ENPP5: variants seen among roughly 807,000 people sequenced by gnomAD.
ENPP5 encodes E-NPP 5.
A neutral mutation model predicts 33.7 loss-of-function variants in ENPP5; 27 were observed. The observed-to-expected ratio is 0.80, with a 90% CI of 0.59 to 1.11. ENPP5 has a LOEUF of 1.11. Ranked by LOEUF, ENPP5 falls within the 50% of genes least tolerant of loss-of-function variation. The probability of loss-of-function intolerance (pLI) is 0.00; values close to 1 mark genes in which losing one functional copy is unlikely to be tolerated. For missense variants in ENPP5, 552 were observed against 579.2 expected, an observed-to-expected ratio of 0.95 and a Z score of 0.48; for synonymous variants, 199 against 200.5, an observed-to-expected ratio of 0.99 and a Z score of 0.06.
intron 3 of ENPP5, among the ~76,000 whole-genome samples, chr6:46,166,810 G>T (rs1473089663): frequency 6.6e-6 from 1 of 152,120 alleles, no homozygotes; most frequent in African/African-American, 2.4e-5. Context: ...GAGTCATGTT[G>T]TCACTTATTT....
intron 4 of ENPP5, among the ~76,000 whole-genome samples, chr6:46,164,475 C>A (rs1429571671): frequency 6.6e-6 from 1 of 152,164 alleles, no homozygotes; most frequent in Non-Finnish European, 1.5e-5. Flanking sequence ...ATTATTGAAT[C>A]ATTAAACATA....
chr6:46,170,590 A>G (rs1764705776), intron 1 of ENPP5, among the ~76,000 whole-genome samples: 1 of 151,874 alleles, frequency 6.6e-6, no homozygotes, highest in Admixed American at 6.6e-5. Context: ...TAGCTCGGGT[A>G]GACGTCAAGG....
intron 4 of ENPP5, among the ~76,000 whole-genome samples, chr6:46,164,347 C>G (rs1051703327): frequency 2.6e-5 from 4 of 152,224 alleles, no homozygotes; most frequent in Non-Finnish European, 4.4e-5. Context: ...GCATTTCTAA[C>G]AAGCTCTCAG....
intron 4 of ENPP5, among the ~76,000 whole-genome samples, chr6:46,164,701 A>T (rs1301591690): frequency 6.6e-6 from 1 of 151,310 alleles, no homozygotes; most frequent in Non-Finnish European, 1.5e-5. Context: ...TGGTTTATGG[A>T]TCATTATCTG....
chr6:46,161,058 G>T lies in ENPP5; in HGVS notation c.*268C>A. On this transcript the variant is annotated 3_prime_UTR_variant, in exon 5 of 5. Coordinates refer to ENST00000371383, the MANE Select transcript of ENPP5 (RefSeq NM_001290072.2). ...GTTGCTAAATATATACATTATCTGC[G>T]CCAAGTCCAAATAAAGCAGGATCTT... 2.5e-6 allele frequency: 1 copy of T among 404,702 alleles called. No individual in the cohort carries two copies. The highest frequency in any genetic ancestry group is 3.5e-5 in the South Asian group (1 of 28,330). 25.1% of individuals were successfully genotyped at this position (404,702 alleles called of 1,614,324 possible). A position where few individuals can be genotyped will look rare whatever the true frequency, so the allele number is the denominator to read the frequency against.
Position 46,168,107 on chromosome 6 carries a change from A to G in ENPP5, c.156T>C (p.His52=), listed in dbSNP as rs1350853283. The G allele has an allele frequency of 7.4e-6, 12 of 1,614,030 alleles. No individual in the cohort carries two copies. The highest frequency in any genetic ancestry group is 1.0e-5 in the Non-Finnish European group (12 of 1,179,884). The change falls in exon 3 of 5, where the codon CAT becomes CAC. Residue 52 remains histidine, a synonymous_variant. Coordinates refer to ENST00000371383, the MANE Select transcript of ENPP5 (RefSeq NM_001290072.2). ...CGTGAACACCATATTTCATAATATA[A>G]TGAAAATGGGGCGTTGGAACTTTAT... ...YLYKVPTPHF[H]YIMKYGVHVK...
At position 46,167,981 on chromosome 6, in the gene ENPP5, A is replaced by T; in HGVS notation, c.282T>A (p.Asp94Glu). The change falls in exon 3 of 5, where the codon GAT becomes GAA. Residue 94 changes from aspartate to glutamate, a missense_variant. Physicochemically the swap from Asp to Glu is conservative, Grantham distance 45 (BLOSUM62 2). Coordinates refer to ENST00000371383, the MANE Select transcript of ENPP5 (RefSeq NM_001290072.2). ...FAENHGIVAN[D>E]MFDPIRNKSF... ...ATTTGTTCCGAATAGGATCAAACAT[A>T]TCATTTGCAACAATCCCATGATTCT... The T allele has an allele frequency of 6.2e-7, 1 of 1,614,248 alleles. No homozygotes were observed. Among genetic ancestry groups the T allele is most frequent in the Non-Finnish European group, 8.5e-7 (1 of 1,180,052 alleles).
chr6:46,166,467 T>TAGC (rs1554174996), intron 3 of ENPP5, among the ~76,000 whole-genome samples: 1 of 148,740 alleles, frequency 6.7e-6, no homozygotes, highest in Admixed American at 6.7e-5. Context: ...TTTTTTTTTT[T>TAGC]AGCAACAGAG....
chr6:46,169,318 A>T (rs1764665085), intron 2 of ENPP5, among the ~76,000 whole-genome samples: 1 of 152,020 alleles, frequency 6.6e-6, no homozygotes, highest in African/African-American at 2.4e-5. Flanking sequence ...AAACCCACCA[A>T]AACTTAGATC....
Position 46,167,926 on chromosome 6 carries a change from C to A in ENPP5, c.337G>T (p.Asp113Tyr). ...GTCGCTTCTTCCCAAAACTTGGAAT[C>A]ATAAATATTCATGTGATCCAAGGAG... ...SFSLDHMNIY[D>Y]SKFWEEATPI... The change falls in exon 3 of 5, where the codon GAT becomes TAT. Residue 113 changes from aspartate to tyrosine, a missense_variant. Asp to Tyr is a radical substitution (Grantham distance 160). Transcript: ENST00000371383. 1 of 1,614,168 alleles carries A rather than the reference C, an allele frequency of 6.2e-7. No homozygotes were observed. Among genetic ancestry groups the A allele is most frequent in the Non-Finnish European group, 8.5e-7 (1 of 1,180,036 alleles).
Position 46,168,108 on chromosome 6 carries a change from T to A in ENPP5, c.155A>T (p.His52Leu), listed in dbSNP as rs1463436111. 6.2e-7 allele frequency: 1 copy of A among 1,613,960 alleles called. No homozygotes were observed. The highest frequency in any genetic ancestry group is 1.1e-5 in the South Asian group (1 of 91,070). ...GTGAACACCATATTTCATAATATAATGAAAATGGGGCGTTGGAACTTTATA... is the reference window on the plus strand; with the variant it reads ...GTGAACACCATATTTCATAATATAAAGAAAATGGGGCGTTGGAACTTTATA... ...YLYKVPTPHF[H>L]YIMKYGVHVK... Residue 52 changes from histidine to leucine, a missense_variant, in exon 3 of 5, where the codon CAT becomes CTT. Coordinates refer to ENST00000371383, the MANE Select transcript of ENPP5 (RefSeq NM_001290072.2).
chr6:46,161,741 C>G lies in ENPP5; in HGVS notation c.1019G>C (p.Gly340Ala), dbSNP rs1249265065. ...KSDDFLLGNHGYDNALADMHP... is the reference protein window; with the variant it reads ...KSDDFLLGNHAYDNALADMHP... The stretch of plus-strand genomic sequence containing the variant: ...CATATCTGCTAACGCATTATCGTAA[C>G]CGTGGTTGCCTACTGTAAAGAGAAA... The change falls in exon 5 of 5, where the codon GGT (glycine) becomes GCT (alanine). Residue 340 changes from glycine (G) to alanine (A), a missense_variant. By Grantham distance (60) the Gly-to-Ala change is moderately conservative. Coordinates refer to ENST00000371383, the MANE Select transcript of ENPP5 (RefSeq NM_001290072.2). 3.7e-6 allele frequency: 6 copies of G among 1,608,338 alleles called. No homozygotes were observed. The Admixed American group carries it at 1.0e-4, about 27-fold the overall frequency.
rs1764715645 is a variant in ENPP5, at chr6:46,170,848, CG to C, written c.-139del. On this transcript the variant is annotated 5_prime_UTR_variant, in exon 1 of 5. Transcript: ENST00000371383. ...TTCAGTCCGTATTAGTTTGGAGCAA[CG>C]GGAGGGAGGGTCTGGAGGAGACTCC... 6.6e-6 allele frequency: 1 copy of C among 152,322 alleles called. No individual in the cohort carries two copies. Among genetic ancestry groups the C allele is most frequent in the Non-Finnish European group, 1.5e-5 (1 of 68,058 alleles). The allele number at this position is 152,322 out of a possible 1,614,324, so 9.4% of individuals were successfully genotyped here.
chr6:46,165,249 G>A (rs570021884), intron 4 of ENPP5, 138 bp downstream of exon 4: 11 of 653,710 alleles, frequency 1.7e-5, no homozygotes, highest in South Asian at 1.7e-4. Context: ...AGATAAGTAC[G>A]AAAACATTGT....
rs771201120 is a variant in ENPP5, at chr6:46,161,315, TCAAAGTAA to T, written c.*3_*10del. On this transcript the variant is annotated 3_prime_UTR_variant, in exon 5 of 5. Transcript: ENST00000371383. ...CTCCACTTCAATATGCAAATCCACT[TCAAAGTAA>T]CATTAGGCTTGTAATAATGGTTGAG... 6 of 1,597,612 alleles carry T rather than the reference TCAAAGTAA, an allele frequency of 3.8e-6. No homozygotes were observed. Among genetic ancestry groups the T allele is most frequent in the Non-Finnish European group, 5.1e-6 (6 of 1,170,598 alleles).
chr6:46,161,788 C>T lies in ENPP5; in HGVS notation c.1007-35G>A, dbSNP rs775814547. 20 of 1,502,440 alleles carry T rather than the reference C, an allele frequency of 1.3e-5. No individual in the cohort carries two copies. The East Asian group carries it at 4.5e-4, about 34-fold the overall frequency. 93.1% of individuals were successfully genotyped at this position (1,502,440 alleles called of 1,614,324 possible). ...GAAAATATGTGAAAAAGTTAGCCAA[C>T]TATGCATTAAAATGGACATAATTGT... On this transcript the variant is annotated intron_variant, in intron 4 of 4. Coordinates refer to ENST00000371383, the MANE Select transcript of ENPP5 (RefSeq NM_001290072.2).
At chr6:46,163,110 T>C (rs930922513) in intron 4 of ENPP5, among the ~76,000 whole-genome samples, 1 of 152,252 alleles carries the variant, frequency 6.6e-6, no homozygotes, top group Non-Finnish European at 1.5e-5. Flanking sequence ...AGATGGTATT[T>C]ATAAAGTATG....
At chr6:46,164,075 CA>C (rs1220376739) in intron 4 of ENPP5, among the ~76,000 whole-genome samples, 4 of 152,142 alleles carry the variant, frequency 2.6e-5, no homozygotes, top group African/African-American at 7.2e-5. Context: ...GCAATGGCAA[CA>C]AAAGCCAAAA....
In ENPP5 at chr6:46,165,430, A is replaced by G. The variant is rs915915689; in HGVS notation, c.963T>C (p.Asp321=). The G allele has an allele frequency of 6.2e-7, 1 of 1,600,768 alleles. No homozygotes were observed. The highest frequency in any genetic ancestry group is 8.5e-7 in the Non-Finnish European group (1 of 1,176,722). Residue 321 remains aspartate (D), a synonymous_variant, in exon 4 of 5, where the codon GAT becomes GAC. Transcript: ENST00000371383. ...TATTCTGTAAAATGTGCCACCCTTC[A>G]TCAGCCACTGCTATGATTGGTTGAA... ...SRIQPIIAVA[D]EGWHILQNKS... is the part of the protein sequence containing the mutation.
Sources: allele counts gnomAD v4.1 joint callset (sites outside exome capture counted in the v4.1 genomes callset), GRCh38; gene constraint gnomAD v4.1.1; transcripts MANE v1.5; gene names NCBI Gene and HGNC (gene_info 2026-07-23, HGNC 2026-07-21).